Variants in KLHL3 observed in about 807,000 individuals in gnomAD.
The protein encoded by KLHL3 is kelch like family member 3.
A neutral mutation model predicts 70.5 loss-of-function variants in KLHL3; 19 were observed. The observed-to-expected ratio is 0.27, with a 90% CI of 0.19 to 0.40. The LOEUF (loss-of-function observed/expected upper bound fraction) is 0.40. KLHL3 is among the 10% of genes least tolerant of loss of function. The pLI, the probability that KLHL3 is intolerant of heterozygous loss-of-function variation, is 1.00. For missense variants in KLHL3, 512 were observed against 771.1 expected, an observed-to-expected ratio of 0.66 and a Z score of 3.98; for synonymous variants, 258 against 290.3, an observed-to-expected ratio of 0.89 and a Z score of 1.13.
At chr5:137,700,179 G>A (rs541331579) in intron 3 of KLHL3, among the ~76,000 whole-genome samples, 1 of 152,290 alleles carries the variant, frequency 6.6e-6, no homozygotes, top group South Asian at 2.1e-4. Flanking sequence ...CATAAGACAG[G>A]ATCCACAATC....
At chr5:137,718,571 T>C (rs1367696136) in intron 2 of KLHL3, among the ~76,000 whole-genome samples, 1 of 152,202 alleles carries the variant, frequency 6.6e-6, no homozygotes, top group Non-Finnish European at 1.5e-5. Context: ...TGTGTACATA[T>C]CTATTCCTAA....
intron 3 of KLHL3, among the ~76,000 whole-genome samples, chr5:137,709,451 T>G (rs1253691210): frequency 6.6e-6 from 1 of 152,094 alleles, no homozygotes; most frequent in Non-Finnish European, 1.5e-5. Flanking sequence ...TGCCCAGGAG[T>G]CTACATTGTT....
chr5:137,677,497 A>C (rs1751913118), intron 6 of KLHL3, 48 bp downstream of exon 6: 1 of 1,084,886 alleles, frequency 9.2e-7, no homozygotes, highest in African/African-American at 1.6e-5. Flanking sequence ...CCTTCCCATG[A>C]CCACCTGACG....
At position 137,669,478 on chromosome 5, in the gene KLHL3, A is replaced by ATATTTACACC. The variant is rs1434707961; in HGVS notation, c.637-7448_637-7447insGGTGTAAATA. Reference sequence around the variant, plus strand: ...AGATATCTGACTTCAGATAACCAAAAATGATGAAAAAATTAAAACGGTAAC... The same window carrying ATATTTACACC: ...AGATATCTGACTTCAGATAACCAAAATATTTACACCATGATGAAAAAATTAAAACGGTAAC... On this transcript the variant is annotated intron_variant, in intron 6 of 14. Transcript: ENST00000309755. Among the ~76,000 whole-genome samples, 712 of 151,458 alleles carry ATATTTACACC rather than the reference A, an allele frequency of 4.7e-3. 5 individuals are homozygous for ATATTTACACC. Among genetic ancestry groups the ATATTTACACC allele is most frequent in the Non-Finnish European group, 8.5e-3 (575 of 67,376 alleles).
At chr5:137,662,169 C>T in intron 6 of KLHL3, 138 bp from the exon 7 acceptor site, 1 of 603,090 alleles carries the variant, frequency 1.7e-6, no homozygotes, top group South Asian at 2.0e-5. Context: ...TAATCTGAGA[C>T]TCATATTTAA....
chr5:137,691,359 A>G lies in KLHL3; in HGVS notation c.526+926T>C, dbSNP rs190531757. 4.1e-4 allele frequency among the ~76,000 whole-genome samples: 63 copies of G among 152,354 alleles called. 1 individual carries two copies. The highest frequency in any genetic ancestry group is 2.9e-3 in the South Asian group (14 of 4,828). On this transcript the variant is annotated intron_variant, in intron 5 of 14. Coordinates refer to ENST00000309755, the MANE Select transcript of KLHL3 (RefSeq NM_017415.3). ...GGGGTGGCTGCATGTGTATAAAGGGAAAGTCTGCAAAAGCTCAATCTTATT... is the reference window on the plus strand; with the variant it reads ...GGGGTGGCTGCATGTGTATAAAGGGGAAGTCTGCAAAAGCTCAATCTTATT...
intron 13 of KLHL3, among the ~76,000 whole-genome samples, chr5:137,626,529 C>T (rs1750465552): frequency 1.3e-5 from 2 of 152,166 alleles, no homozygotes; most frequent in Admixed American, 1.3e-4. Context: ...CTCATTAAGA[C>T]TTTCAAAGGC....
chr5:137,622,177 C>A (rs769824681), intron 14 of KLHL3, 51 bp from the exon 15 acceptor site: 78 of 1,597,490 alleles, frequency 4.9e-5, no homozygotes, highest in Admixed American at 6.7e-5. Context: ...CAAAATTACT[C>A]AGAGTCCCAG....
intron 5 of KLHL3, among the ~76,000 whole-genome samples, chr5:137,678,163 A>G (rs1434389839): frequency 2.6e-5 from 4 of 152,162 alleles, no homozygotes; most frequent in East Asian, 3.8e-4. Flanking sequence ...CCCAAAGTCA[A>G]GCCTACTATT....
At chr5:137,712,590 T>G (rs1275002549) in intron 2 of KLHL3, among the ~76,000 whole-genome samples, 1 of 152,214 alleles carries the variant, frequency 6.6e-6, no homozygotes, top group African/African-American at 2.4e-5. Context: ...TCTAAAGCAC[T>G]GCATGGCTCA....
chr5:137,686,892 G>GCATAGT (rs1271333578), intron 5 of KLHL3, among the ~76,000 whole-genome samples: 84 of 7,952 alleles, frequency 0.011, 5 homozygotes, highest in Middle Eastern at 0.031. Context: ...ACCTCCCTGA[G>GCATAGT]GGGCGCCTCT....
At chr5:137,633,892 T>C in intron 12 of KLHL3, 145 bp downstream of exon 12, 1 of 1,075,660 alleles carries the variant, frequency 9.3e-7, no homozygotes, top group Non-Finnish European at 1.4e-6. Flanking sequence ...ATGGGTACAC[T>C]AGAAGCCCAA....
Position 137,621,988 on chromosome 5 carries a change from A to G in KLHL3, c.*110T>C. On this transcript the variant is annotated 3_prime_UTR_variant, in exon 15 of 15. Coordinates refer to ENST00000309755, the MANE Select transcript of KLHL3 (RefSeq NM_017415.3). ...CAAGTCAGAGGAGAGCGGTTCTCACAGCAGCACAGACCCTCCCAAGCAAGT... is the reference window on the plus strand; with the variant it reads ...CAAGTCAGAGGAGAGCGGTTCTCACGGCAGCACAGACCCTCCCAAGCAAGT... 2 of 1,161,860 alleles carry G rather than the reference A, an allele frequency of 1.7e-6. No individual in the cohort carries two copies. Among genetic ancestry groups the G allele is most frequent in the South Asian group, 1.2e-5 (1 of 81,380 alleles). 72.0% of individuals were successfully genotyped at this position (1,161,860 alleles called of 1,614,324 possible).
At chr5:137,642,300 G>A (rs1046018348) in intron 8 of KLHL3, among the ~76,000 whole-genome samples, 32 of 152,274 alleles carry the variant, frequency 2.1e-4, no homozygotes, top group African/African-American at 7.0e-4. Flanking sequence ...TCCCTGACTC[G>A]AAACCTTCCC....
chr5:137,691,308 G>A (rs1227866958), intron 5 of KLHL3, among the ~76,000 whole-genome samples: 1 of 152,196 alleles, frequency 6.6e-6, no homozygotes, highest in Admixed American at 6.5e-5. Flanking sequence ...TTCAGTTGTG[G>A]AAATGGTATT....
intron 1 of KLHL3, among the ~76,000 whole-genome samples, chr5:137,728,611 T>G (rs1753122455): frequency 6.6e-6 from 1 of 152,146 alleles, no homozygotes. Context: ...CTGCTTACTG[T>G]GTCAGTTCTT....
At chr5:137,655,960 C>T (rs1327662324) in intron 8 of KLHL3, among the ~76,000 whole-genome samples, 2 of 135,172 alleles carry the variant, frequency 1.5e-5, no homozygotes, top group African/African-American at 5.6e-5. Flanking sequence ...CACTGCACTC[C>T]GGCCTGGGTA....
At chr5:137,649,822 T>C (rs976834042) in intron 8 of KLHL3, among the ~76,000 whole-genome samples, 2 of 152,186 alleles carry the variant, frequency 1.3e-5, no homozygotes, top group African/African-American at 4.8e-5. Context: ...GTTATCATTA[T>C]TGTGGGTACT....
chr5:137,662,034 A>G lies in KLHL3; in HGVS notation c.637-3T>C. 6.4e-7 allele frequency: 1 copy of G among 1,566,518 alleles called. No homozygotes were observed. Among genetic ancestry groups the G allele is most frequent in the Non-Finnish European group, 8.8e-7 (1 of 1,139,060 alleles). ...CATGAGATCACAGCTTCAAACACCT[A>G]TAAAGAAAAGCAACATGGGCAACTT... On this transcript the variant is annotated splice_region_variant and splice_polypyrimidine_tract_variant and intron_variant, in intron 6 of 14. Coordinates refer to ENST00000309755, the MANE Select transcript of KLHL3 (RefSeq NM_017415.3).
Sources: gnomAD v4.1 joint callset for allele counts (sites outside exome capture counted in the v4.1 genomes callset) on GRCh38, gnomAD v4.1.1 for gene constraint, MANE v1.5 for transcripts, NCBI Gene and HGNC (gene_info 2026-07-23, HGNC 2026-07-21) for gene names.